The following FAM107A variants were observed in gnomAD, a reference collection of about 807,000 sequenced individuals.
FAM107A encodes the protein actin-associated protein FAM107A.
FAM107A carries 19 observed loss-of-function variants against 13.7 expected under a neutral mutation model. The ratio of observed to expected loss-of-function variants is 1.38; its 90% CI spans 0.97 to 2.03. FAM107A has a LOEUF of 2.03. Ranked by LOEUF, FAM107A falls within the 30% of genes most tolerant of loss-of-function variation. FAM107A has a pLI of 0.00. For missense variants in FAM107A, 203 were observed against 184.4 expected (o/e 1.10, Z -0.58); for synonymous variants, 82 against 74.5 (o/e 1.10, Z -0.52).
upstream of FAM107A, chr3:58,577,805 A>T: frequency 1.6e-5 from 13 of 788,546 alleles, no homozygotes; most frequent in Non-Finnish European, 1.8e-5. This position sits in a 1 kb window ranked among gnomAD's most constrained non-coding sequence, Gnocchi z 4.9. Context: ...TGGGGGGAAA[A>T]GGGTGGGGTG....
chr3:58,584,378 A>C (rs1237718516), intron 1 of FAM107A, among the ~76,000 whole-genome samples: 2 of 152,170 alleles, frequency 1.3e-5, no homozygotes, highest in Non-Finnish European at 2.9e-5. Flanking sequence ...GAGATGGCAG[A>C]TGTACAGCAG....
At chr3:58,583,344 C>T (rs990679982) in intron 1 of FAM107A, among the ~76,000 whole-genome samples, 16 of 151,518 alleles carry the variant, frequency 1.1e-4, no homozygotes, top group Admixed American at 3.3e-4. Flanking sequence ...TTATTTTAGC[C>T]GGGTGCGGTG....
upstream of FAM107A, among the ~76,000 whole-genome samples, chr3:58,591,143 G>T (rs2065651391): frequency 6.6e-6 from 1 of 152,196 alleles, no homozygotes; most frequent in African/African-American, 2.4e-5. The surrounding 1 kb of genome is among the most constrained non-coding windows in gnomAD (Gnocchi z 4.3). Flanking sequence ...TAGACAGTAA[G>T]CATGATGAAT....
At chr3:58,568,806 C>G (rs1442410309) in intron 2 of FAM107A, among the ~76,000 whole-genome samples, 1 of 152,210 alleles carries the variant, frequency 6.6e-6, no homozygotes, top group Non-Finnish European at 1.5e-5. Flanking sequence ...TACTGGTTAG[C>G]AGGAGTATTT....
intron 1 of FAM107A, among the ~76,000 whole-genome samples, chr3:58,602,341 C>T (rs184224986): frequency 6.6e-6 from 1 of 152,228 alleles, no homozygotes; most frequent in Admixed American, 6.5e-5. Flanking sequence ...TGTGAGGAAA[C>T]AGACACTCTG....
intron 1 of FAM107A, among the ~76,000 whole-genome samples, chr3:58,599,732 T>A (rs2065738139): frequency 1.9e-5 from 2 of 104,154 alleles, no homozygotes; most frequent in Non-Finnish European, 3.7e-5. Context: ...TTTTTTTTTT[T>A]TTTGAGACGG....
chr3:58,597,419 G>T (rs547582655), intron 1 of FAM107A, among the ~76,000 whole-genome samples: 1 of 152,320 alleles, frequency 6.6e-6, no homozygotes, highest in South Asian at 2.1e-4. Context: ...GATAAACACA[G>T]ATGGGCCTGA....
At chr3:58,590,233 C>T (rs1357497320), upstream of FAM107A, among the ~76,000 whole-genome samples, 1 of 152,192 alleles carries the variant, frequency 6.6e-6, no homozygotes, top group Non-Finnish European at 1.5e-5. Flanking sequence ...ATGTGCCTCC[C>T]CTGTCTCCCA....
intron 1 of FAM107A, among the ~76,000 whole-genome samples, chr3:58,603,746 T>C (rs2065771185): frequency 6.6e-6 from 1 of 152,142 alleles, no homozygotes; most frequent in Admixed American, 6.5e-5. Flanking sequence ...CCAGCATCCA[T>C]GGGTGATTGT....
intron 2 of FAM107A, among the ~76,000 whole-genome samples, chr3:58,568,054 G>A (rs990788402): frequency 2.0e-5 from 3 of 151,996 alleles, no homozygotes; most frequent in Non-Finnish European, 2.9e-5. Context: ...CTCCTGCCTC[G>A]GCCTCCCAAA....
chr3:58,618,157 G>C (rs57751592), intron 1 of FAM107A, among the ~76,000 whole-genome samples: 3 of 152,220 alleles, frequency 2.0e-5, no homozygotes, highest in African/African-American at 7.2e-5. Context: ...AGGCTCAAGG[G>C]GGGTAGGCCC....
chr3:58,578,561 G>A (rs1376008931), upstream of FAM107A, among the ~76,000 whole-genome samples: 2 of 152,036 alleles, frequency 1.3e-5, no homozygotes, highest in Admixed American at 1.3e-4. Flanking sequence ...GAGCAAGACT[G>A]TCTCAAAAAA....
At chr3:58,584,032 G>A (rs1353790370) in intron 1 of FAM107A, among the ~76,000 whole-genome samples, 4 of 152,102 alleles carry the variant, frequency 2.6e-5, no homozygotes, top group African/African-American at 9.7e-5. Context: ...GCTTCTCAAC[G>A]AAAGGAGTGC....
At chr3:58,620,096 T>C (rs1368988828) in intron 1 of FAM107A, among the ~76,000 whole-genome samples, 3 of 152,150 alleles carry the variant, frequency 2.0e-5, no homozygotes, top group African/African-American at 7.2e-5. Flanking sequence ...CTTAATTAAT[T>C]AATGGAGCAC....
chr3:58,584,321 G>T (rs994680353), intron 1 of FAM107A, among the ~76,000 whole-genome samples: 2 of 152,150 alleles, frequency 1.3e-5, no homozygotes, highest in Non-Finnish European at 2.9e-5. Flanking sequence ...GGAAAACAGA[G>T]GCCAATAAAT....
intron 1 of FAM107A, among the ~76,000 whole-genome samples, chr3:58,593,008 T>C (rs1000487879): frequency 6.6e-6 from 1 of 152,130 alleles, no homozygotes; most frequent in African/African-American, 2.4e-5. Context: ...AATCAGTTCT[T>C]AAGAATCTGA....
chr3:58,566,498 G>T lies in FAM107A; in HGVS notation c.*90C>A. 1 of 854,168 alleles carries T rather than the reference G, an allele frequency of 1.2e-6. No individual in the cohort carries two copies. Among genetic ancestry groups the T allele is most frequent in the African/African-American group, 1.7e-5 (1 of 59,454 alleles). The allele number at this position is 854,168 out of a possible 1,614,324, so 52.9% of individuals were successfully genotyped here. On this transcript the variant is annotated 3_prime_UTR_variant, in exon 4 of 4. Coordinates refer to ENST00000360997, the MANE Select transcript of FAM107A (RefSeq NM_001076778.3). The stretch of plus-strand genomic sequence containing the variant: ...AGGTGGGAACATCACAGACGTCCCA[G>T]GGCCTGGGGCCCAGGGCTGCCAGGT...
Position 58,564,481 on chromosome 3 carries a change from C to T in FAM107A, c.*2107G>A, listed in dbSNP as rs2063600795. The stretch of plus-strand genomic sequence containing the variant: ...TCCACAGTTGGAGTGGCTGGAGATA[C>T]AGAGTTGGGACGACCCCTGAAAAGT... On this transcript the variant is annotated 3_prime_UTR_variant, in exon 4 of 4. Transcript: ENST00000360997. This position sits in a 1 kb window ranked among gnomAD's most constrained non-coding sequence, Gnocchi z 5.6. 6.6e-6 allele frequency: 1 copy of T among 152,336 alleles called. No homozygotes were observed. Among genetic ancestry groups the T allele is most frequent in the South Asian group, 2.1e-4 (1 of 4,824 alleles). The allele number at this position is 152,336 out of a possible 1,614,324, so 9.4% of individuals were successfully genotyped here. A position where few individuals can be genotyped will look rare whatever the true frequency, so the allele number is the denominator to read the frequency against.
At chr3:58,583,358 C>A (rs983807985) in intron 1 of FAM107A, among the ~76,000 whole-genome samples, 3 of 152,146 alleles carry the variant, frequency 2.0e-5, no homozygotes, top group African/African-American at 7.2e-5. Context: ...TGCGGTGGCT[C>A]ATGCCTGTAA....
Sources: allele counts gnomAD v4.1 joint callset (sites outside exome capture counted in the v4.1 genomes callset), GRCh38; gene constraint gnomAD v4.1.1; non-coding constraint Gnocchi (gnomAD v3.1); transcripts MANE v1.5; gene names NCBI Gene and HGNC (gene_info 2026-07-23, HGNC 2026-07-21).